ASAP2: variants seen among roughly 807,000 people sequenced by gnomAD.
ASAP2 encodes ArfGAP with SH3 domain, ankyrin repeat and PH domain 2, also known as arf-GAP with SH3 domain, ANK repeat and PH domain-containing protein 2.
A neutral mutation model predicts 131.4 loss-of-function variants in ASAP2; 45 were observed. The observed-to-expected ratio is 0.34, with a 90% CI of 0.27 to 0.44. The LOEUF (loss-of-function observed/expected upper bound fraction) is 0.44. ASAP2 is among the 20% of genes least tolerant of loss of function. The probability of loss-of-function intolerance (pLI) is 1.00; values close to 1 mark genes in which losing one functional copy is unlikely to be tolerated. For synonymous variants in ASAP2, 510 were observed against 503.0 expected (o/e 1.01, Z -0.19); for missense variants, 1,011 against 1,297.0 (o/e 0.78, Z 3.39).
At chr2:9,274,122 T>A (rs13404915) in intron 1 of ASAP2, among the ~76,000 whole-genome samples, 15,349 of 152,204 alleles carry the variant, frequency 0.1, 805 homozygotes, top group Admixed American at 0.14. Context: ...AGGTAGTTTT[T>A]TCAGTTCTGA....
intron 16 of ASAP2, among the ~76,000 whole-genome samples, chr2:9,370,048 C>T (rs1345132815): frequency 6.6e-6 from 1 of 152,152 alleles, no homozygotes; most frequent in Non-Finnish European, 1.5e-5. Context: ...CCATGTTGGT[C>T]AGGCTGGTCT....
At chr2:9,395,765 G>A (rs545282151) in intron 24 of ASAP2, among the ~76,000 whole-genome samples, 6 of 151,240 alleles carry the variant, frequency 4.0e-5, no homozygotes, top group South Asian at 2.1e-4. Context: ...CCACCACCAC[G>A]CCTGGCCAAT....
At chr2:9,275,180 A>C (rs1376784443) in intron 1 of ASAP2, among the ~76,000 whole-genome samples, 1 of 151,068 alleles carries the variant, frequency 6.6e-6, no homozygotes, top group Non-Finnish European at 1.5e-5. Context: ...TTCTGGATTT[A>C]AGTGATCCTC....
intron 1 of ASAP2, among the ~76,000 whole-genome samples, chr2:9,278,134 CA>C (rs1666872056): frequency 6.6e-6 from 1 of 152,166 alleles, no homozygotes. Flanking sequence ...CAGGGTGCTT[CA>C]TTTAGTTTTC....
intron 9 of ASAP2, among the ~76,000 whole-genome samples, chr2:9,343,456 T>G (rs1265788507): frequency 2.0e-5 from 3 of 152,166 alleles, no homozygotes; most frequent in Non-Finnish European, 4.4e-5. Context: ...GTTTGGTTTT[T>G]GTTTTTTTGA....
intron 1 of ASAP2, among the ~76,000 whole-genome samples, chr2:9,263,774 C>A (rs1475948549): frequency 6.6e-6 from 1 of 152,188 alleles, no homozygotes; most frequent in African/African-American, 2.4e-5. Context: ...GTTCATACCG[C>A]ATGACACCGT....
intron 15 of ASAP2, among the ~76,000 whole-genome samples, chr2:9,367,225 G>A (rs1673548832): frequency 6.6e-6 from 1 of 151,474 alleles, no homozygotes; most frequent in South Asian, 2.1e-4. Flanking sequence ...TAGAGATGGG[G>A]TTTCACCTTG....
At chr2:9,250,437 T>C (rs571947192) in intron 1 of ASAP2, among the ~76,000 whole-genome samples, 28 of 152,312 alleles carry the variant, frequency 1.8e-4, no homozygotes, top group African/African-American at 6.7e-4. Context: ...GGAGTGGGGA[T>C]GCAGGATGCC....
intron 14 of ASAP2, among the ~76,000 whole-genome samples, chr2:9,357,354 A>G (rs565295383): frequency 6.6e-6 from 1 of 152,106 alleles, no homozygotes; most frequent in South Asian, 2.1e-4. Flanking sequence ...TAGTGCGCAC[A>G]TGTAGTCCCA....
At position 9,292,467 on chromosome 2, in the gene ASAP2, G is replaced by A. The variant is rs533119671; in HGVS notation, c.200-4833G>A. Among the ~76,000 whole-genome samples, 6 of 152,260 alleles carry A rather than the reference G, an allele frequency of 3.9e-5. No individual in the cohort carries two copies. In the East Asian group the frequency reaches 7.7e-4, roughly 20 times the overall value. On this transcript the variant is annotated intron_variant, in intron 2 of 27. Coordinates refer to ENST00000281419, the MANE Select transcript of ASAP2 (RefSeq NM_003887.3). Reference sequence around the variant, plus strand: ...CAGGAGTTGGAGGTTGCAGTGAGCCGAGATTGCACCACTGCACTCTAGTCT... The same window carrying A: ...CAGGAGTTGGAGGTTGCAGTGAGCCAAGATTGCACCACTGCACTCTAGTCT...
At chr2:9,255,906 G>A (rs1425240081) in intron 1 of ASAP2, among the ~76,000 whole-genome samples, 4 of 152,136 alleles carry the variant, frequency 2.6e-5, no homozygotes, top group Non-Finnish European at 4.4e-5. Context: ...ATTTGTATGC[G>A]TATTGGTAGG....
intron 1 of ASAP2, among the ~76,000 whole-genome samples, chr2:9,241,772 G>T (rs912043778): frequency 7.2e-5 from 11 of 152,292 alleles, no homozygotes; most frequent in African/African-American, 2.6e-4. Flanking sequence ...GCCAGACACT[G>T]TGCTAAGTCA....
intron 25 of ASAP2, among the ~76,000 whole-genome samples, chr2:9,400,278 T>TGC (rs1558405989): frequency 1.1e-4 from 3 of 26,302 alleles, no homozygotes; most frequent in African/African-American, 7.1e-4. Context: ...CTCTCCTTCC[T>TGC]TCCCTCCTTC....
intron 9 of ASAP2, among the ~76,000 whole-genome samples, chr2:9,341,966 G>T (rs964049074): frequency 6.6e-6 from 1 of 152,142 alleles, no homozygotes; most frequent in Non-Finnish European, 1.5e-5. Flanking sequence ...GAGTGCCTCC[G>T]CATGTTACTG....
At chr2:9,304,488 TA>T (rs1216451369) in intron 3 of ASAP2, among the ~76,000 whole-genome samples, 4 of 41,670 alleles carry the variant, frequency 9.6e-5, no homozygotes, top group Admixed American at 3.3e-4. Context: ...GGAGGGGCTG[TA>T]GGGGGGGTGT....
chr2:9,319,303 C>T (rs370585507), intron 4 of ASAP2, among the ~76,000 whole-genome samples: 6 of 152,370 alleles, frequency 3.9e-5, no homozygotes, highest in African/African-American at 9.6e-5. Context: ...TTTGGATCTG[C>T]GCACGATTCC....
chr2:9,386,409 T>C lies in ASAP2; in HGVS notation c.2130+1051T>C, dbSNP rs1477222860. ...CTTAAAAAAAAAAAGCTGGAAGCAG[T>C]CTGCCCCAGCCTGCCTCTTCATCAA... is the stretch of plus-strand genomic sequence containing the variant. On this transcript the variant is annotated intron_variant, in intron 21 of 27. Transcript: ENST00000281419. Among the ~76,000 whole-genome samples the C allele has an allele frequency of 2.0e-5, 3 of 151,102 alleles. No homozygotes were observed. In the East Asian group the frequency reaches 5.8e-4, roughly 29 times the overall value.
intron 17 of ASAP2, among the ~76,000 whole-genome samples, chr2:9,375,948 G>T (rs564736432): frequency 6.6e-6 from 1 of 152,338 alleles, no homozygotes; most frequent in East Asian, 1.9e-4. Flanking sequence ...TCCAGCTGGA[G>T]TGGGTTTGCA....
rs184829661 is a variant in ASAP2 at position 9,279,167 on chromosome 2, G to A, written c.127-150G>A. The A allele has an allele frequency of 7.6e-5, 52 of 682,012 alleles. No individual in the cohort carries two copies. The East Asian group carries it at 1.3e-3, about 17-fold the overall frequency. 42.2% of individuals were successfully genotyped at this position (682,012 alleles called of 1,614,324 possible). A position where few individuals can be genotyped will look rare whatever the true frequency, so the allele number is the denominator to read the frequency against. On this transcript the variant is annotated intron_variant, in intron 1 of 27. Transcript: ENST00000281419. ...GAGGGCTTGTCTCCCAGAAACAGGT[G>A]CCGAGGGACCTGGCAGAGGAGGCTT...
Sources: gnomAD v4.1 joint callset for allele counts (sites outside exome capture counted in the v4.1 genomes callset) on GRCh38, gnomAD v4.1.1 for gene constraint, MANE v1.5 for transcripts, NCBI Gene and HGNC (gene_info 2026-07-23, HGNC 2026-07-21) for gene names.